NUP160: variants seen among roughly 807,000 people sequenced by gnomAD.
NUP160 encodes the protein nucleoporin 160.
In NUP160, 94 loss-of-function variants were observed where a neutral mutation model predicts 196.9. The observed-to-expected ratio is 0.48, with a 90% CI of 0.40 to 0.57. The LOEUF is 0.57. NUP160 is among the 20% of genes least tolerant of loss of function. The probability of loss-of-function intolerance (pLI) is 0.00; values close to 1 mark genes in which losing one functional copy is unlikely to be tolerated. For missense variants in NUP160, 1,638 were observed against 1,748.3 expected (o/e 0.94, Z 1.13); for synonymous variants, 605 against 619.7 (o/e 0.98, Z 0.35).
At chr11:47,813,620 A>C (rs1404174022) in intron 13 of NUP160, among the ~76,000 whole-genome samples, 1 of 151,098 alleles carries the variant, frequency 6.6e-6, no homozygotes, top group African/African-American at 2.4e-5. Flanking sequence ...ACTTGAGCCA[A>C]GGAGTTCAAG....
chr11:47,822,025 AGAGT>A, intron 8 of NUP160, 58 bp downstream of exon 8: 1 of 1,141,134 alleles, frequency 8.8e-7, no homozygotes, highest in Non-Finnish European at 1.3e-6. Context: ...ATACCATAAC[AGAGT>A]TAGTCAATAC....
rs766923591 is a variant in NUP160 at position 47,815,464 on chromosome 11, C to T, written c.1686+15G>A. On this transcript the variant is annotated intron_variant, in intron 13 of 35. Transcript: ENST00000378460. ...CTGTCTCAAGAAGGTCTTCTCTATG[C>T]TTTAGCTCACTTACTTTTTTCAGCA... The T allele has an allele frequency of 3.2e-5, 51 of 1,576,916 alleles. No homozygotes were observed. Among genetic ancestry groups the T allele is most frequent in the Non-Finnish European group, 4.2e-5 (49 of 1,166,122 alleles).
At chr11:47,848,261 C>G (rs750703744) in exon 1 of NUP160, 3 of 1,614,078 alleles carry the variant, frequency 1.9e-6, no homozygotes, top group African/African-American at 2.7e-5. Context: ...CTCGGCCTTT[C>G]GCGCTCAGCT....
chr11:47,796,184 C>A, intron 27 of NUP160: 2 of 334,424 alleles, frequency 6.0e-6, no homozygotes, highest in Non-Finnish European at 1.1e-5. Flanking sequence ...GGAGCAGCTG[C>A]GGAAGCCCAG....
At chr11:47,840,536 G>A (rs780763844) in exon 3 of NUP160, 1 of 1,613,788 alleles carries the variant, frequency 6.2e-7, no homozygotes, top group Non-Finnish European at 8.5e-7. Context: ...TTATTCAACA[G>A]ATTTATGTCC....
At chr11:47,806,403 A>G (rs2097677653) in intron 19 of NUP160, 91 bp from the exon 20 acceptor site, 1 of 1,047,738 alleles carries the variant, frequency 9.5e-7, no homozygotes, top group South Asian at 1.5e-5. Flanking sequence ...TGCTTGTAAC[A>G]AACAATTTAG....
At chr11:47,821,901 G>A in intron 8 of NUP160, 80 bp from the exon 9 acceptor site, 5 of 1,188,136 alleles carry the variant, frequency 4.2e-6, no homozygotes, top group Non-Finnish European at 6.3e-6. Flanking sequence ...TTCATCAGTA[G>A]GAGAGGTAAA....
At chr11:47,788,550 G>A (rs2097666062) in exon 30 of NUP160, 1 of 1,613,960 alleles carries the variant, frequency 6.2e-7, no homozygotes, top group African/African-American at 1.3e-5. Context: ...TGAGGCGGAT[G>A]CGAGCCAAGG....
exon 3 of NUP160, chr11:47,840,431 T>C (rs749926672): frequency 1.2e-6 from 2 of 1,614,206 alleles, no homozygotes; most frequent in Non-Finnish European, 1.7e-6. Flanking sequence ...ACTGTTTGAT[T>C]GGTTAACATC....
intron 27 of NUP160, among the ~76,000 whole-genome samples, chr11:47,796,898 G>C (rs1159926347): frequency 2.6e-5 from 4 of 152,100 alleles, no homozygotes; most frequent in African/African-American, 9.7e-5. Flanking sequence ...TCACCATGTC[G>C]GCCAGGCTGG....
At chr11:47,832,092 G>T (rs528564960) in intron 7 of NUP160, among the ~76,000 whole-genome samples, 1 of 151,776 alleles carries the variant, frequency 6.6e-6, no homozygotes, top group Admixed American at 6.6e-5. Context: ...AGTAGAGAAG[G>T]AGTTTCACCA....
At chr11:47,787,546 A>AAGCTGTGCCTTC (rs1323297857) in intron 31 of NUP160, among the ~76,000 whole-genome samples, 1 of 133,766 alleles carries the variant, frequency 7.5e-6, no homozygotes, top group Non-Finnish European at 1.6e-5. Context: ...TCTTGTGCCT[A>AAGCTGTGCCTTC]AGCCTCCTGA....
At chr11:47,838,477 G>A (rs933925234) in intron 4 of NUP160, among the ~76,000 whole-genome samples, 1 of 152,148 alleles carries the variant, frequency 6.6e-6, no homozygotes, top group African/African-American at 2.4e-5. Flanking sequence ...GGAAGCTGAG[G>A]CAGGCGGATC....
At chr11:47,804,263 T>A (rs1366988669) in intron 21 of NUP160, 1 of 292,100 alleles carries the variant, frequency 3.4e-6, no homozygotes, top group African/African-American at 2.2e-5. Flanking sequence ...AATCTCTCTC[T>A]TTAAAAATTT....
chr11:47,803,353 C>T, intron 22 of NUP160, 85 bp downstream of exon 22: 6 of 788,518 alleles, frequency 7.6e-6, no homozygotes, highest in South Asian at 5.9e-5. Flanking sequence ...TGTCTCCCAT[C>T]CCCTAAAACC....
rs58246222 is a variant in NUP160, at chr11:47,824,008, CATATATATATATATATATATATATAT to C, written c.1102-1870_1102-1845del. ...TGAGACCCTGCTTTCAATTCTTTTG[CATATATATATATATATATATATATAT>C]ATATATATATATATATATACACACA... is the stretch of plus-strand genomic sequence containing the variant. On this transcript the variant is annotated intron_variant, in intron 7 of 35. Coordinates refer to ENST00000378460, the Ensembl canonical transcript of NUP160. 2.6e-3 allele frequency among the ~76,000 whole-genome samples: 192 copies of C among 73,120 alleles called. 1 individual carries two copies. Among genetic ancestry groups the C allele is most frequent in the Admixed American group, 4.0e-3 (22 of 5,488 alleles). The allele number at this position is 73,120 out of a possible 152,430, so 48.0% of individuals were successfully genotyped here.
chr11:47,803,350 C>T (rs182904195), intron 22 of NUP160, 88 bp downstream of exon 22: 23 of 774,724 alleles, frequency 3.0e-5, no homozygotes, highest in African/African-American at 2.8e-4. Flanking sequence ...CTATGTCTCC[C>T]ATCCCCTAAA....
Position 47,815,357 on chromosome 11 carries a change from G to A in NUP160, c.1686+122C>T, listed in dbSNP as rs189369554. ...AAATGCAAAGTCCTAAATGCTAACCGCAACATTCACCAGACTAACATTCGG... is the reference window on the plus strand; with the variant it reads ...AAATGCAAAGTCCTAAATGCTAACCACAACATTCACCAGACTAACATTCGG... On this transcript the variant is annotated intron_variant, in intron 13 of 35. Coordinates refer to ENST00000378460, the Ensembl canonical transcript of NUP160. The A allele has an allele frequency of 2.0e-3, 1,228 of 625,944 alleles. 1 individual carries two copies. Among genetic ancestry groups the A allele is most frequent in the Non-Finnish European group, 2.5e-3 (972 of 391,800 alleles). 38.8% of individuals were successfully genotyped at this position (625,944 alleles called of 1,614,324 possible).
exon 10 of NUP160, chr11:47,819,401 A>C (rs748764023): frequency 6.2e-6 from 10 of 1,613,388 alleles, no homozygotes; most frequent in Non-Finnish European, 8.5e-6. Context: ...CTCTGATGAC[A>C]ATCTCTTCCT....
Sources: allele counts gnomAD v4.1 joint callset (sites outside exome capture counted in the v4.1 genomes callset), GRCh38; gene constraint gnomAD v4.1.1; transcripts MANE v1.5; gene names NCBI Gene and HGNC (gene_info 2026-07-23, HGNC 2026-07-21).